Variants in MUSK observed in about 807,000 individuals in gnomAD.
MUSK encodes the protein muscle associated receptor tyrosine kinase, also known as muscle, skeletal receptor tyrosine-protein kinase.
A neutral mutation model predicts 88.7 loss-of-function variants in MUSK; 55 were observed. The observed-to-expected ratio is 0.62, with a 90% CI of 0.50 to 0.78. MUSK has a LOEUF of 0.78. Among genes scored for constraint, MUSK ranks in the 30% least tolerant of loss-of-function variants. The pLI is 0.00. For missense variants in MUSK, 1,015 were observed against 1,074.3 expected, an observed-to-expected ratio of 0.94 and a Z score of 0.77; for synonymous variants, 387 against 391.9, an observed-to-expected ratio of 0.99 and a Z score of 0.15.
chr9:110,766,570 T>C (rs1297761997), intron 8 of MUSK, among the ~76,000 whole-genome samples: 2 of 152,236 alleles, frequency 1.3e-5, no homozygotes, highest in Non-Finnish European at 2.9e-5. Context: ...TTTACCTGAA[T>C]GTATTATATC....
At chr9:110,684,627 AT>A (rs1476504509) in intron 2 of MUSK, among the ~76,000 whole-genome samples, 1 of 151,768 alleles carries the variant, frequency 6.6e-6, no homozygotes, top group Non-Finnish European at 1.5e-5. Context: ...ATATTTTTCC[AT>A]TTTTTTGGTG....
chr9:110,800,530 GAACGTAAGTTTGTTC>G lies in MUSK; in HGVS notation c.2154_2168del (p.Glu718_His723delinsAsp). 1 of 1,613,814 alleles carries G rather than the reference GAACGTAAGTTTGTTC, an allele frequency of 6.2e-7. No homozygotes were observed. Among genetic ancestry groups the G allele is most frequent in the Non-Finnish European group, 8.5e-7 (1 of 1,179,854 alleles). ...GGCAGCTGGCATGGCTTACCTCTCA[GAACGTAAGTTTGTTC>G]ACCGAGATTTAGCCACCAGGAACTG... On this transcript the variant is annotated inframe_deletion, in exon 15 of 15. Transcript: ENST00000374448.
chr9:110,723,385 T>C (rs770670629), intron 5 of MUSK, among the ~76,000 whole-genome samples: 1 of 151,886 alleles, frequency 6.6e-6, no homozygotes, highest in South Asian at 2.1e-4. Context: ...AAACCAAACA[T>C]TGTATGTTTT....
At chr9:110,752,828 T>C (rs889948068) in intron 7 of MUSK, among the ~76,000 whole-genome samples, 2 of 152,252 alleles carry the variant, frequency 1.3e-5, no homozygotes, top group Admixed American at 1.3e-4. Flanking sequence ...TCCTTATGCA[T>C]TGTTTTAGAA....
chr9:110,689,729 G>A (rs200559021), intron 3 of MUSK, among the ~76,000 whole-genome samples: 9,838 of 22,936 alleles, frequency 0.43, 1,513 homozygotes, highest in African/African-American at 0.57. Context: ...GTTATATATA[G>A]TTTATATATA....
At chr9:110,744,731 C>T (rs2077151535) in intron 6 of MUSK, among the ~76,000 whole-genome samples, 1 of 152,260 alleles carries the variant, frequency 6.6e-6, no homozygotes, top group South Asian at 2.1e-4. Context: ...AAAGACAGAA[C>T]ATCACACCCA....
Position 110,800,345 on chromosome 9 carries a change from AAT to A in MUSK, c.1969_1970del (p.Tyr657HisfsTer5). The A allele has an allele frequency of 6.2e-7, 1 of 1,613,420 alleles. No individual in the cohort carries two copies. The highest frequency in any genetic ancestry group is 1.7e-5 in the Admixed American group (1 of 59,976). ...GGGAAGCCAATGTGCCTGCTCTTTGAATACATGGCCTATGGTGACCTCAATGA... is the reference window on the plus strand; with the variant it reads ...GGGAAGCCAATGTGCCTGCTCTTTGAACATGGCCTATGGTGACCTCAATGA... On this transcript the variant is annotated frameshift_variant, in exon 15 of 15. Transcript: ENST00000374448. LOFTEE classifies it high-confidence loss of function.
intron 3 of MUSK, among the ~76,000 whole-genome samples, chr9:110,695,003 A>C (rs2076414198): frequency 6.6e-6 from 1 of 152,076 alleles, no homozygotes; most frequent in Non-Finnish European, 1.5e-5. Context: ...TAACTAGGTA[A>C]GAATATAGTT....
intron 6 of MUSK, among the ~76,000 whole-genome samples, chr9:110,734,906 C>A (rs2077009901): frequency 6.6e-6 from 1 of 152,052 alleles, no homozygotes; most frequent in Admixed American, 6.6e-5. Flanking sequence ...GAACATCAAA[C>A]ACTATTCTAG....
chr9:110,701,672 T>G (rs1339559693), intron 5 of MUSK, among the ~76,000 whole-genome samples: 1,030 of 27,226 alleles, frequency 0.038, 469 homozygotes, highest in African/African-American at 0.24. Flanking sequence ...TTTATTTTAT[T>G]TTATTTTTTT....
intron 7 of MUSK, among the ~76,000 whole-genome samples, chr9:110,749,282 T>C (rs2077217767): frequency 6.6e-6 from 1 of 152,176 alleles, no homozygotes; most frequent in African/African-American, 2.4e-5. Flanking sequence ...CTGTATTCTA[T>C]TGCAGAAGCA....
At chr9:110,705,977 GT>G in intron 5 of MUSK, 5 of 405,422 alleles carry the variant, frequency 1.2e-5, no homozygotes, top group South Asian at 9.5e-5. Flanking sequence ...GCATATCTGG[GT>G]TACATCTCAT....
chr9:110,784,792 A>G (rs1424659456), intron 11 of MUSK, 23 bp from the exon 12 acceptor site: 1 of 1,572,562 alleles, frequency 6.4e-7, no homozygotes, highest in African/African-American at 1.4e-5. Context: ...AGAATGAATG[A>G]AATAATTATT....
intron 6 of MUSK, among the ~76,000 whole-genome samples, chr9:110,746,411 ACTG>A (rs1355996754): frequency 6.6e-6 from 1 of 152,142 alleles, no homozygotes; most frequent in Non-Finnish European, 1.5e-5. Context: ...TTTTCTAATG[ACTG>A]CTCATTTGTT....
At chr9:110,734,419 G>T (rs370466894) in intron 6 of MUSK, 44 bp downstream of exon 6, 4 of 1,611,920 alleles carry the variant, frequency 2.5e-6, no homozygotes, top group South Asian at 2.2e-5. Flanking sequence ...AAGACCCATT[G>T]GTGGTGAACT....
intron 1 of MUSK, 86 bp downstream of exon 1, chr9:110,669,069 G>A (rs2075924502): frequency 8.3e-7 from 1 of 1,208,032 alleles, no homozygotes; most frequent in Non-Finnish European, 1.2e-6. Context: ...CTGATTTATA[G>A]TATGGTGGGC....
intron 6 of MUSK, among the ~76,000 whole-genome samples, chr9:110,744,363 T>TGA (rs769272577): frequency 1.6e-4 from 25 of 152,214 alleles, no homozygotes; most frequent in Admixed American, 1.3e-4. Flanking sequence ...TCAGAGGTCT[T>TGA]CCCTAGCTAA....
At chr9:110,690,281 T>G (rs368165444) in intron 3 of MUSK, among the ~76,000 whole-genome samples, 68,658 of 98,318 alleles carry the variant, frequency 0.7, 24,722 homozygotes, top group African/African-American at 0.87. Flanking sequence ...TACAAATATA[T>G]AAATATATAT....
intron 1 of MUSK, 80 bp from the exon 2 acceptor site, chr9:110,682,594 T>C (rs916210731): frequency 3.7e-5 from 52 of 1,414,752 alleles, no homozygotes; most frequent in East Asian, 4.7e-5. Context: ...TTCAGGTATG[T>C]AATGGCTTCT....
Sources: gnomAD v4.1 joint callset for allele counts (sites outside exome capture counted in the v4.1 genomes callset) on GRCh38, gnomAD v4.1.1 for gene constraint, MANE v1.5 for transcripts, NCBI Gene and HGNC (gene_info 2026-07-23, HGNC 2026-07-21) for gene names.